The following CYB5R4 variants were observed in gnomAD, a reference collection of about 807,000 sequenced individuals.
CYB5R4 encodes the protein N-terminal cytochrome b5 and cytochrome b5 oxidoreductase domain-containing protein.
In CYB5R4, 55 loss-of-function variants were observed where a neutral mutation model predicts 70.2. That is an observed-to-expected ratio of 0.78 (90% CI 0.63 to 0.98). CYB5R4 has a LOEUF of 0.98. CYB5R4 is among the 50% of genes least tolerant of loss of function. The pLI is 0.00. For synonymous variants in CYB5R4, 197 were observed against 199.5 expected, an observed-to-expected ratio of 0.99 and a Z score of 0.11; for missense variants, 562 against 612.6, an observed-to-expected ratio of 0.92 and a Z score of 0.87.
intron 15 of CYB5R4, among the ~76,000 whole-genome samples, chr6:83,957,622 C>CAAAA (rs34196225): frequency 0.013 from 839 of 66,822 alleles, 24 homozygotes; most frequent in African/African-American, 0.036. Flanking sequence ...AACTCTGTCT[C>CAAAA]AAAAAAAAAA....
In CYB5R4 at chr6:83,921,077, T is replaced by A. The variant is rs757151280; in HGVS notation, c.565-5T>A. The A allele has an allele frequency of 6.7e-7, 1 of 1,489,414 alleles. No individual in the cohort carries two copies. The highest frequency in any genetic ancestry group is 2.4e-5 in the East Asian group (1 of 41,122). 92.3% of individuals were successfully genotyped at this position (1,489,414 alleles called of 1,614,324 possible). A position where few individuals can be genotyped will look rare whatever the true frequency, so the allele number is the denominator to read the frequency against. The stretch of plus-strand genomic sequence containing the variant: ...TAATCTTTCTATTTTTGCTTTCTCT[T>A]TAAGGATATCAATTTAGACTCAATA... On this transcript the variant is annotated splice_region_variant and splice_polypyrimidine_tract_variant and intron_variant, in intron 7 of 15. Coordinates refer to ENST00000369681, the MANE Select transcript of CYB5R4 (RefSeq NM_016230.4).
At position 83,959,119 on chromosome 6, in the gene CYB5R4, T is replaced by G. The variant is rs117266743; in HGVS notation, c.1512-705T>G. On this transcript the variant is annotated intron_variant, in intron 15 of 15. Transcript: ENST00000369681. Reference sequence around the variant, plus strand: ...TCACATAATAAATGAGCAGACATTTTTCTTTATAGGATTCCTCAGCTGATT... The same window carrying G: ...TCACATAATAAATGAGCAGACATTTGTCTTTATAGGATTCCTCAGCTGATT... Among the ~76,000 whole-genome samples the G allele has an allele frequency of 3.9e-5, 6 of 152,316 alleles. No homozygotes were observed. In the East Asian group the frequency reaches 1.2e-3, roughly 29 times the overall value.
At chr6:83,905,037 A>G (rs1358743523) in intron 3 of CYB5R4, among the ~76,000 whole-genome samples, 4 of 144,114 alleles carry the variant, frequency 2.8e-5, no homozygotes, top group East Asian at 4.1e-4. Context: ...TTTTTTTTGT[A>G]TGTTTGTTTT....
intron 12 of CYB5R4, among the ~76,000 whole-genome samples, chr6:83,939,414 A>G (rs1358878938): frequency 6.6e-6 from 1 of 152,178 alleles, no homozygotes; most frequent in Non-Finnish European, 1.5e-5. Flanking sequence ...TAGATTGGTA[A>G]GTGACATGCT....
chr6:83,938,452 C>T (rs2099469260), intron 12 of CYB5R4, among the ~76,000 whole-genome samples: 2 of 152,168 alleles, frequency 1.3e-5, no homozygotes, highest in African/African-American at 4.8e-5. Flanking sequence ...TACAATTATT[C>T]ATCTCTTTGT....
intron 12 of CYB5R4, among the ~76,000 whole-genome samples, chr6:83,937,197 C>T (rs1447825665): frequency 6.6e-6 from 1 of 152,106 alleles, no homozygotes; most frequent in Non-Finnish European, 1.5e-5. Flanking sequence ...ATCGCTTAAA[C>T]CCGGGAGGCG....
chr6:83,877,147 T>A (rs2099458690), intron 2 of CYB5R4, among the ~76,000 whole-genome samples: 1 of 152,216 alleles, frequency 6.6e-6, no homozygotes, highest in Non-Finnish European at 1.5e-5. Context: ...CATTTTTTTA[T>A]AGTGCAGGTC....
chr6:83,945,738 A>C (rs2099470484), intron 14 of CYB5R4, among the ~76,000 whole-genome samples: 1 of 152,188 alleles, frequency 6.6e-6, no homozygotes, highest in Non-Finnish European at 1.5e-5. Flanking sequence ...GATAAAGGGG[A>C]GATCACCACT....
intron 2 of CYB5R4, among the ~76,000 whole-genome samples, chr6:83,866,265 G>A (rs967993994): frequency 1.3e-5 from 2 of 152,118 alleles, no homozygotes; most frequent in Admixed American, 1.3e-4. Flanking sequence ...GTATTGATGG[G>A]GACAAGGGAC....
At chr6:83,884,476 A>C (rs1172536121) in intron 2 of CYB5R4, among the ~76,000 whole-genome samples, 1 of 152,144 alleles carries the variant, frequency 6.6e-6, no homozygotes, top group Non-Finnish European at 1.5e-5. Flanking sequence ...TTTCATTAGG[A>C]AAACTGTTTA....
intron 5 of CYB5R4, among the ~76,000 whole-genome samples, chr6:83,916,673 T>C (rs1163949196): frequency 6.6e-6 from 1 of 152,116 alleles, no homozygotes; most frequent in Non-Finnish European, 1.5e-5. Context: ...TGGGAAGAAA[T>C]GGAAGCTGAA....
intron 5 of CYB5R4, among the ~76,000 whole-genome samples, chr6:83,915,537 TTTCTTTC>T (rs1343917815): frequency 2.0e-5 from 3 of 152,198 alleles, no homozygotes; most frequent in Non-Finnish European, 2.9e-5. Context: ...GACTAGGCAT[TTTCTTTC>T]CACCACATGT....
chr6:83,891,085 C>T (rs1422097093), intron 2 of CYB5R4, among the ~76,000 whole-genome samples: 1 of 152,028 alleles, frequency 6.6e-6, no homozygotes, highest in Non-Finnish European at 1.5e-5. Context: ...AGGGGGACTA[C>T]AGGCACACTC....
At chr6:83,879,111 A>G (rs1588561760) in intron 2 of CYB5R4, among the ~76,000 whole-genome samples, 1 of 151,874 alleles carries the variant, frequency 6.6e-6, no homozygotes, top group East Asian at 1.9e-4. Context: ...CCTGAGCCCC[A>G]GGGGCTGAGC....
At position 83,964,879 on chromosome 6, in the gene CYB5R4, GC is replaced by G. The variant is rs1208887274; in HGVS notation, c.*5003del. On this transcript the variant is annotated 3_prime_UTR_variant, in exon 16 of 16. Coordinates refer to ENST00000369681, the MANE Select transcript of CYB5R4 (RefSeq NM_016230.4). ...GCCACTCCGGCCATGGCTGAAAGGGGCCAACATGAAGCTCAGGCCATGGCTT... is the reference window on the plus strand; with the variant it reads ...GCCACTCCGGCCATGGCTGAAAGGGGCAACATGAAGCTCAGGCCATGGCTT... The G allele has an allele frequency of 2.6e-5, 4 of 152,304 alleles. No homozygotes were observed. Among genetic ancestry groups the G allele is most frequent in the African/African-American group, 9.7e-5 (4 of 41,450 alleles). The allele number at this position is 152,304 out of a possible 1,614,324, so 9.4% of individuals were successfully genotyped here.
chr6:83,939,172 A>G (rs991466076), intron 12 of CYB5R4, among the ~76,000 whole-genome samples: 7 of 152,162 alleles, frequency 4.6e-5, no homozygotes, highest in Non-Finnish European at 8.8e-5. Context: ...CTACTGCAAG[A>G]TTCTTACTAT....
chr6:83,885,551 A>G (rs537569178), intron 2 of CYB5R4, among the ~76,000 whole-genome samples: 2 of 152,336 alleles, frequency 1.3e-5, no homozygotes, highest in South Asian at 4.1e-4. Context: ...ATTTGTGGGA[A>G]CTTCATCTGG....
intron 1 of CYB5R4, among the ~76,000 whole-genome samples, chr6:83,860,569 G>C (rs1216923570): frequency 6.6e-6 from 1 of 152,158 alleles, no homozygotes; most frequent in Non-Finnish European, 1.5e-5. Flanking sequence ...TGTGTTCTTT[G>C]TTCTTTTGCG....
chr6:83,949,202 A>G (rs1410749029), intron 14 of CYB5R4, among the ~76,000 whole-genome samples: 3 of 150,456 alleles, frequency 2.0e-5, no homozygotes, highest in Non-Finnish European at 2.9e-5. Context: ...TGGAAGATTT[A>G]GCAGGAATTT....
Sources: gnomAD v4.1 joint callset for allele counts (sites outside exome capture counted in the v4.1 genomes callset) on GRCh38, gnomAD v4.1.1 for gene constraint, MANE v1.5 for transcripts, NCBI Gene and HGNC (gene_info 2026-07-23, HGNC 2026-07-21) for gene names.